The following TSHZ2 variants were observed in gnomAD, a reference collection of about 807,000 sequenced individuals.
TSHZ2 encodes the protein teashirt zinc finger homeobox 2, also known as teashirt homolog 2.
TSHZ2 carries 21 observed loss-of-function variants against 74.4 expected under a neutral mutation model. That is an observed-to-expected ratio of 0.28 (90% CI 0.20 to 0.41). TSHZ2 has a LOEUF of 0.41. Among genes scored for constraint, TSHZ2 ranks in the 10% least tolerant of loss-of-function variants. The probability of loss-of-function intolerance (pLI) is 1.00; values close to 1 mark genes in which losing one functional copy is unlikely to be tolerated. For synonymous variants in TSHZ2, 540 were observed against 515.3 expected (o/e 1.05, Z -0.65); for missense variants, 1,244 against 1,293.5 (o/e 0.96, Z 0.59).
intron 1 of TSHZ2, among the ~76,000 whole-genome samples, chr20:53,132,313 A>ATTT (rs552180228): frequency 9.9e-4 from 138 of 139,314 alleles, no homozygotes; most frequent in African/African-American, 3.5e-3. Context: ...TCTGCCCCTA[A>ATTT]TTTTTTTTTT....
chr20:53,322,711 C>G (rs1006212617), intron 2 of TSHZ2, among the ~76,000 whole-genome samples: 1 of 152,102 alleles, frequency 6.6e-6, no homozygotes. Context: ...GATGCAAATG[C>G]AGGGAGCTGG....
intron 2 of TSHZ2, among the ~76,000 whole-genome samples, chr20:53,411,995 AG>A (rs767586547): frequency 1.8e-4 from 28 of 152,202 alleles, no homozygotes; most frequent in Non-Finnish European, 3.5e-4. Context: ...GGGTGATCAA[AG>A]CATCATTTTC....
intron 1 of TSHZ2, among the ~76,000 whole-genome samples, chr20:53,231,674 T>C (rs1989827440): frequency 1.3e-5 from 2 of 152,102 alleles, no homozygotes; most frequent in African/African-American, 4.8e-5. Context: ...TTTTTTTTGG[T>C]CTTTAAGAAA....
chr20:53,117,662 C>T (rs957159325), intron 1 of TSHZ2, among the ~76,000 whole-genome samples: 1 of 152,150 alleles, frequency 6.6e-6, no homozygotes, highest in Non-Finnish European at 1.5e-5. Flanking sequence ...CAAGGAGAGC[C>T]AGCTTCAAGT....
intron 1 of TSHZ2, among the ~76,000 whole-genome samples, chr20:53,192,050 ACATT>A (rs1988749059): frequency 1.3e-5 from 2 of 152,210 alleles, no homozygotes; most frequent in African/African-American, 4.8e-5. Flanking sequence ...ACATTTTATA[ACATT>A]CAGTGCTTAA....
intron 1 of TSHZ2, among the ~76,000 whole-genome samples, chr20:53,132,632 A>C (rs1568775033): frequency 6.6e-6 from 1 of 152,062 alleles, no homozygotes; most frequent in Non-Finnish European, 1.5e-5. Flanking sequence ...AGAAAACCAC[A>C]AAGGTCCCCC....
Position 52,972,973 on chromosome 20 carries a change from A to G in TSHZ2, c.-321A>G, listed in dbSNP as rs1981179594. On this transcript the variant is annotated 5_prime_UTR_variant, in exon 1 of 3. Transcript: ENST00000371497. ...AAAAAAAAAAAAACCGCAAAAACAA[A>G]ACCAAAAAAATTCCAAAAGCAAAAA... 1 of 363,194 alleles carries G rather than the reference A, an allele frequency of 2.8e-6. No homozygotes were observed. The allele number at this position is 363,194 out of a possible 1,614,324, so 22.5% of individuals were successfully genotyped here.
chr20:53,486,011 A>G (rs1986281596), intron 2 of TSHZ2, among the ~76,000 whole-genome samples: 1 of 152,154 alleles, frequency 6.6e-6, no homozygotes, highest in Non-Finnish European at 1.5e-5. Flanking sequence ...CAAAAGATGA[A>G]ACTGAAACTG....
At chr20:53,402,073 G>A (rs1238558761) in intron 2 of TSHZ2, among the ~76,000 whole-genome samples, 7 of 152,214 alleles carry the variant, frequency 4.6e-5, no homozygotes, top group African/African-American at 1.4e-4. Flanking sequence ...GTGAGCCACC[G>A]TGCCCAGCCA....
chr20:53,452,027 A>T (rs540657264), intron 2 of TSHZ2, among the ~76,000 whole-genome samples: 11 of 152,382 alleles, frequency 7.2e-5, no homozygotes, highest in African/African-American at 2.6e-4. Context: ...TATAGTCAAG[A>T]ATAGTCAAGA....
At chr20:53,187,990 T>C (rs561243936) in intron 1 of TSHZ2, among the ~76,000 whole-genome samples, 1 of 152,274 alleles carries the variant, frequency 6.6e-6, no homozygotes, top group East Asian at 1.9e-4. Context: ...CTCAGAAATG[T>C]GGCACGAAGC....
At chr20:53,128,599 A>G (rs1235053892) in intron 1 of TSHZ2, among the ~76,000 whole-genome samples, 1 of 151,520 alleles carries the variant, frequency 6.6e-6, no homozygotes, top group Non-Finnish European at 1.5e-5. Context: ...TTATTTCTTT[A>G]TGTCAATACC....
intron 2 of TSHZ2, among the ~76,000 whole-genome samples, chr20:53,307,878 C>G (rs1978612000): frequency 6.6e-6 from 1 of 152,144 alleles, no homozygotes; most frequent in African/African-American, 2.4e-5. Flanking sequence ...CCAACTCAGA[C>G]TCAATCAGAT....
At chr20:53,427,076 G>T in intron 2 of TSHZ2, among the ~76,000 whole-genome samples, 1 of 152,174 alleles carries the variant, frequency 6.6e-6, no homozygotes, top group East Asian at 1.9e-4. Context: ...GGGCTGGAGC[G>T]CCGTGAAGCT....
At chr20:53,039,823 G>T (rs1983972098) in intron 1 of TSHZ2, among the ~76,000 whole-genome samples, 1 of 151,448 alleles carries the variant, frequency 6.6e-6, no homozygotes, top group Admixed American at 6.6e-5. Flanking sequence ...CACCAGTGAA[G>T]AGGGCCGGCT....
intron 1 of TSHZ2, among the ~76,000 whole-genome samples, chr20:53,212,674 G>T (rs1296032): frequency 6.6e-6 from 1 of 151,978 alleles, no homozygotes; most frequent in Non-Finnish European, 1.5e-5. Context: ...GATCTCAAGT[G>T]TGGCTGGATT....
chr20:53,460,145 A>G (rs1389877968), intron 2 of TSHZ2, among the ~76,000 whole-genome samples: 2 of 151,912 alleles, frequency 1.3e-5, no homozygotes, highest in African/African-American at 4.8e-5. Context: ...AATATCCTGC[A>G]GAGTGTTTTC....
At chr20:53,361,026 C>T (rs986462288) in intron 2 of TSHZ2, among the ~76,000 whole-genome samples, 5 of 152,184 alleles carry the variant, frequency 3.3e-5, no homozygotes, top group Non-Finnish European at 5.9e-5. Flanking sequence ...AAAATCCACA[C>T]GTGCTGAATT....
At chr20:53,356,224 A>C (rs1219040716) in intron 2 of TSHZ2, among the ~76,000 whole-genome samples, 2 of 152,218 alleles carry the variant, frequency 1.3e-5, no homozygotes, top group Non-Finnish European at 2.9e-5. Flanking sequence ...TACACATACT[A>C]CCCTATGAGG....
Sources: allele counts gnomAD v4.1 joint callset (sites outside exome capture counted in the v4.1 genomes callset), GRCh38; gene constraint gnomAD v4.1.1; transcripts MANE v1.5; gene names NCBI Gene and HGNC (gene_info 2026-07-23, HGNC 2026-07-21).